Variants in TENM3 observed in about 807,000 individuals in gnomAD.
TENM3 encodes the protein teneurin-3.
Under a neutral mutation model 255.1 loss-of-function variants are expected in TENM3, and 63 were observed. The ratio of observed to expected loss-of-function variants is 0.25; its 90% CI spans 0.20 to 0.30. The LOEUF (loss-of-function observed/expected upper bound fraction) is 0.30, where lower values mean the gene tolerates loss of function less well. Ranked by LOEUF, TENM3 falls within the 10% of genes least tolerant of loss-of-function variation. The pLI is 1.00. For synonymous variants in TENM3, 1,306 were observed against 1,322.3 expected (o/e 0.99, Z 0.27); for missense variants, 2,929 against 3,461.1 (o/e 0.85, Z 3.86).
At position 182,789,416 on chromosome 4, in the gene TENM3, T is replaced by C. The variant is rs1367322239; in HGVS notation, c.5601+27T>C. On this transcript the variant is annotated intron_variant, in intron 25 of 27. Transcript: ENST00000511685. The surrounding 1 kb of genome is among the most constrained non-coding windows in gnomAD (Gnocchi z 4.4). ...TATGCCTGCAAACTAAGCTCAACAA[T>C]AGGGAAAGGATAATTCACATTTTTC... 2 of 1,590,754 alleles carry C rather than the reference T, an allele frequency of 1.3e-6. No homozygotes were observed. Among genetic ancestry groups the C allele is most frequent in the South Asian group, 1.1e-5 (1 of 88,174 alleles).
the TENM3 span, among the ~76,000 whole-genome samples, chr4:181,648,751 T>C: frequency 6.6e-6 from 1 of 152,216 alleles, no homozygotes; most frequent in Non-Finnish European, 1.5e-5. Context: ...TGATTAATAA[T>C]TGCAGTATGT....
intron 4 of TENM3, among the ~76,000 whole-genome samples, chr4:182,608,864 C>T (rs1748694157): frequency 6.6e-6 from 1 of 152,192 alleles, no homozygotes; most frequent in African/African-American, 2.4e-5. Flanking sequence ...GAAAGGAGCT[C>T]GCCCGCCAGT....
the TENM3 span, among the ~76,000 whole-genome samples, chr4:181,581,496 C>T: frequency 6.6e-6 from 1 of 152,084 alleles, no homozygotes; most frequent in African/African-American, 2.4e-5. Context: ...TTCAAATATC[C>T]CGGTTTTCCT....
chr4:182,492,811 A>C (rs1330860391), intron 3 of TENM3, among the ~76,000 whole-genome samples: 1 of 152,132 alleles, frequency 6.6e-6, no homozygotes, highest in East Asian at 1.9e-4. Context: ...ATTTCTGTTG[A>C]TACTGGTTTC....
the TENM3 span, among the ~76,000 whole-genome samples, chr4:181,745,752 G>GA: frequency 2.4e-3 from 373 of 152,270 alleles, 1 homozygote; most frequent in African/African-American, 8.5e-3. Flanking sequence ...TGAGGATACA[G>GA]AAAAATGCAT....
At chr4:182,029,860 T>C in the TENM3 span, among the ~76,000 whole-genome samples, 9 of 143,596 alleles carry the variant, frequency 6.3e-5, no homozygotes, top group African/African-American at 2.4e-4. Flanking sequence ...AGAAAATTAG[T>C]TGGATCATTC....
the TENM3 span, among the ~76,000 whole-genome samples, chr4:181,809,143 G>A: frequency 6.6e-6 from 1 of 152,108 alleles, no homozygotes; most frequent in African/African-American, 2.4e-5. Context: ...ACTTGAAGAA[G>A]CTCACAAAGA....
the TENM3 span, among the ~76,000 whole-genome samples, chr4:181,726,146 A>G: frequency 1.3e-5 from 2 of 152,116 alleles, no homozygotes; most frequent in Non-Finnish European, 2.9e-5. Flanking sequence ...AAATTAGCAA[A>G]TTTTATTTAA....
the TENM3 span, among the ~76,000 whole-genome samples, chr4:181,955,837 A>G: frequency 6.6e-6 from 1 of 152,124 alleles, no homozygotes; most frequent in East Asian, 1.9e-4. Context: ...GAGTCAGGAA[A>G]GGGTTAGGTG....
intron 27 of TENM3, among the ~76,000 whole-genome samples, chr4:182,798,952 T>C (rs1211666358): frequency 6.6e-6 from 1 of 152,204 alleles, no homozygotes; most frequent in Non-Finnish European, 1.5e-5. Context: ...TTTGCCAGTC[T>C]AGACGGTCCA....
intron 13 of TENM3, among the ~76,000 whole-genome samples, chr4:182,718,315 A>G (rs546878079): frequency 2.0e-5 from 3 of 152,204 alleles, no homozygotes; most frequent in Middle Eastern, 3.4e-3. Flanking sequence ...TTCTCAGGCC[A>G]TCTCCTCCCC....
chr4:182,198,898 C>G (rs1422870387), intron 1 of TENM3, among the ~76,000 whole-genome samples: 1 of 152,064 alleles, frequency 6.6e-6, no homozygotes, highest in Non-Finnish European at 1.5e-5. Flanking sequence ...GATTGGGAGG[C>G]CTTCCCATAG....
At chr4:182,256,936 G>A (rs1374505897) in intron 1 of TENM3, among the ~76,000 whole-genome samples, 1 of 151,720 alleles carries the variant, frequency 6.6e-6, no homozygotes, top group African/African-American at 2.4e-5. Context: ...GGTACCCGGA[G>A]TGCCATTATT....
the TENM3 span, among the ~76,000 whole-genome samples, chr4:181,822,176 G>T: frequency 6.6e-6 from 1 of 152,002 alleles, no homozygotes; most frequent in Non-Finnish European, 1.5e-5. Context: ...CCCACTTCTG[G>T]CTGCTCTCCA....
the TENM3 span, among the ~76,000 whole-genome samples, chr4:181,971,623 G>A: frequency 2.0e-5 from 3 of 152,026 alleles, no homozygotes; most frequent in Non-Finnish European, 4.4e-5. Context: ...TTGGAGTGCA[G>A]TGGCATGATC....
the TENM3 span, among the ~76,000 whole-genome samples, chr4:181,740,714 G>A: frequency 1.3e-5 from 2 of 151,890 alleles, no homozygotes; most frequent in Non-Finnish European, 2.9e-5. Flanking sequence ...GAAAAAGGTG[G>A]TAGAAGGAAA....
At chr4:182,395,513 G>T (rs1768747818) in intron 3 of TENM3, among the ~76,000 whole-genome samples, 1 of 152,144 alleles carries the variant, frequency 6.6e-6, no homozygotes, top group South Asian at 2.1e-4. Flanking sequence ...AATATTCAAT[G>T]CTGAGATATT....
At chr4:181,747,049 A>G in the TENM3 span, among the ~76,000 whole-genome samples, 1 of 152,082 alleles carries the variant, frequency 6.6e-6, no homozygotes, top group African/African-American at 2.4e-5. Context: ...CAGAGGGTCA[A>G]GGGCAAGTGC....
the TENM3 span, among the ~76,000 whole-genome samples, chr4:181,458,226 A>C: frequency 6.6e-6 from 1 of 151,978 alleles, no homozygotes; most frequent in Non-Finnish European, 1.5e-5. Flanking sequence ...GTTAAAGGAA[A>C]GTACTATGTC....
Sources: allele counts gnomAD v4.1 joint callset (sites outside exome capture counted in the v4.1 genomes callset), GRCh38; gene constraint gnomAD v4.1.1; non-coding constraint Gnocchi (gnomAD v3.1); transcripts MANE v1.5; gene names NCBI Gene and HGNC (gene_info 2026-07-23, HGNC 2026-07-21).